VWA8: variants seen among roughly 807,000 people sequenced by gnomAD.
VWA8 encodes the protein von Willebrand factor A domain-containing protein 8.
A neutral mutation model predicts 241.5 loss-of-function variants in VWA8; 221 were observed. That is an observed-to-expected ratio of 0.91 (90% CI 0.82 to 1.02). VWA8 has a LOEUF of 1.02. VWA8 is among the 50% of genes least tolerant of loss of function. The pLI is 0.00. For synonymous variants in VWA8, 852 were observed against 827.1 expected, an observed-to-expected ratio of 1.03 and a Z score of -0.52; for missense variants, 2,322 against 2,328.7, an observed-to-expected ratio of 1.00 and a Z score of 0.06.
chr13:41,961,101 G>A lies in VWA8; in HGVS notation c.-86C>T, dbSNP rs1029452969. ...AGGCACCGTGAGGCAGCGCGGAGAA[G>A]GGGACAGGAAGCGGCACCTAGCCGA... On this transcript the variant is annotated 5_prime_UTR_variant, in exon 1 of 45. Transcript: ENST00000379310. 1.6e-6 allele frequency: 2 copies of A among 1,259,258 alleles called. No individual in the cohort carries two copies. Among genetic ancestry groups the A allele is most frequent in the African/African-American group, 1.6e-5 (1 of 63,026 alleles). 78.0% of individuals were successfully genotyped at this position (1,259,258 alleles called of 1,614,324 possible). A position where few individuals can be genotyped will look rare whatever the true frequency, so the allele number is the denominator to read the frequency against.
At chr13:41,901,935 T>A (rs950795033) in intron 4 of VWA8, among the ~76,000 whole-genome samples, 4 of 137,236 alleles carry the variant, frequency 2.9e-5, no homozygotes, top group Non-Finnish European at 4.6e-5. Context: ...TATATTTGCA[T>A]ACATATATAT....
intron 12 of VWA8, among the ~76,000 whole-genome samples, chr13:41,835,920 T>G (rs1296682054): frequency 1.3e-5 from 2 of 151,998 alleles, no homozygotes; most frequent in Non-Finnish European, 2.9e-5. Context: ...GAAAACACAG[T>G]TTAGCGCAGT....
intron 36 of VWA8, 38 bp downstream of exon 36, chr13:41,675,177 T>C (rs1207153746): frequency 2.0e-6 from 3 of 1,480,684 alleles, no homozygotes; most frequent in Non-Finnish European, 2.8e-6. Flanking sequence ...TCATTTTTTA[T>C]GACATACTAA....
At chr13:41,758,385 TATATATAC>T (rs1349033927) in intron 21 of VWA8, among the ~76,000 whole-genome samples, 1 of 15,604 alleles carries the variant, frequency 6.4e-5, no homozygotes, top group African/African-American at 1.1e-4. Context: ...TATATATATA[TATATATAC>T]GCTAGTATAT....
chr13:41,699,616 G>C lies in VWA8; in HGVS notation c.3365-346C>G, dbSNP rs77606384. On this transcript the variant is annotated intron_variant, in intron 28 of 44. Transcript: ENST00000379310. ...TAACGTGCTTAGTGCTACAGTGAAGGTCTGTTCTCTTGTTGGTTCAGATGG... is the reference window on the plus strand; with the variant it reads ...TAACGTGCTTAGTGCTACAGTGAAGCTCTGTTCTCTTGTTGGTTCAGATGG... 5.3e-3 allele frequency among the ~76,000 whole-genome samples: 810 copies of C among 152,286 alleles called. 5 individuals are homozygous for C. Among genetic ancestry groups the C allele is most frequent in the African/African-American group, 0.019 (772 of 41,554 alleles).
At chr13:41,711,701 C>G (rs543575766) in intron 26 of VWA8, among the ~76,000 whole-genome samples, 3 of 151,934 alleles carry the variant, frequency 2.0e-5, no homozygotes, top group Admixed American at 6.6e-5. Context: ...GGTGAAACCC[C>G]GTCTCTACTA....
chr13:41,751,331 C>A (rs868040173), intron 21 of VWA8, among the ~76,000 whole-genome samples: 9 of 151,970 alleles, frequency 5.9e-5, no homozygotes, highest in Non-Finnish European at 1.2e-4. Context: ...AAAATGTTTC[C>A]AAAACAGCCT....
chr13:41,629,182 G>T (rs2044711812), intron 37 of VWA8, among the ~76,000 whole-genome samples: 1 of 152,108 alleles, frequency 6.6e-6, no homozygotes, highest in Admixed American at 6.6e-5. Context: ...GCCACAAAAA[G>T]AGTAAAATAC....
intron 12 of VWA8, among the ~76,000 whole-genome samples, chr13:41,837,944 T>C (rs563085308): frequency 6.6e-6 from 1 of 152,302 alleles, no homozygotes; most frequent in South Asian, 2.1e-4. Context: ...GAAATTTAAT[T>C]CCTTTAGGTC....
In VWA8 at chr13:41,587,595, T is replaced by C. The variant is rs374449216; in HGVS notation, c.5188A>G (p.Arg1730Gly). 3.7e-6 allele frequency: 6 copies of C among 1,614,230 alleles called. No homozygotes were observed. The highest frequency in any genetic ancestry group is 4.2e-6 in the Non-Finnish European group (5 of 1,180,046). Residue 1730 changes from arginine (R) to glycine (G), a missense_variant, in exon 42 of 45, where the codon AGG becomes GGG. Coordinates refer to ENST00000379310, the MANE Select transcript of VWA8 (RefSeq NM_015058.2). ...GTGCGCTCAAGCCGGCCATCCATCC[T>C]GTTGAAACGGTACATGCTACCAGAC... is the stretch of plus-strand genomic sequence containing the variant. ...DVSGSMYRFNRMDGRLERTME... is the reference protein window; with the variant it reads ...DVSGSMYRFNGMDGRLERTME...
intron 37 of VWA8, among the ~76,000 whole-genome samples, chr13:41,621,355 T>C (rs1373736476): frequency 1.3e-5 from 2 of 152,208 alleles, no homozygotes; most frequent in African/African-American, 4.8e-5. Context: ...TTACCATATT[T>C]CTAACTTACG....
intron 34 of VWA8, among the ~76,000 whole-genome samples, chr13:41,688,083 T>G (rs1406164057): frequency 6.6e-6 from 1 of 152,112 alleles, no homozygotes; most frequent in Non-Finnish European, 1.5e-5. Flanking sequence ...AAAACACATC[T>G]CTTTCATATC....
chr13:41,859,914 G>T (rs562488976), intron 12 of VWA8, among the ~76,000 whole-genome samples: 3 of 152,136 alleles, frequency 2.0e-5, no homozygotes, highest in Non-Finnish European at 2.9e-5. Flanking sequence ...AAAACAGATG[G>T]TGTATCTACT....
intron 37 of VWA8, among the ~76,000 whole-genome samples, chr13:41,666,630 C>G (rs1461189914): frequency 2.0e-5 from 3 of 152,090 alleles, no homozygotes; most frequent in Non-Finnish European, 4.4e-5. Flanking sequence ...GCAAACTTAA[C>G]AACCCCCCAG....
At chr13:41,771,135 T>C (rs906022659) in intron 20 of VWA8, among the ~76,000 whole-genome samples, 1 of 152,204 alleles carries the variant, frequency 6.6e-6, no homozygotes, top group African/African-American at 2.4e-5. Context: ...ATTCCTTTCT[T>C]TTTTTGAGAT....
chr13:41,872,300 CTTTAG>C (rs1426321073), intron 9 of VWA8, among the ~76,000 whole-genome samples: 4 of 152,174 alleles, frequency 2.6e-5, no homozygotes, highest in Non-Finnish European at 5.9e-5. Context: ...TGCAGAAGCT[CTTTAG>C]TTTAATTAGA....
rs190685397 is a variant in VWA8, at chr13:41,689,395, T to C, written c.4090A>G (p.Lys1364Glu). 6.2e-7 allele frequency: 1 copy of C among 1,612,000 alleles called. No homozygotes were observed. The highest frequency in any genetic ancestry group is 1.3e-5 in the African/African-American group (1 of 74,956). The stretch of plus-strand genomic sequence containing the variant: ...CCAACAACTATTGTAGCATAATTTT[T>C]CTCATCTGAGAGAATTCTGTTGGGA... Reference protein sequence around the residue: ...ASPNRILSDEKNYATIVVGFP... With the variant: ...ASPNRILSDEENYATIVVGFP... The change falls in exon 34 of 45, where the codon AAA becomes GAA. Residue 1364 changes from lysine (K) to glutamate (E), a missense_variant. Lys to Glu is a moderately conservative substitution (Grantham distance 56). Transcript: ENST00000379310.
intron 14 of VWA8, among the ~76,000 whole-genome samples, chr13:41,829,573 A>ACACG (rs1414338662): frequency 1.3e-5 from 2 of 151,466 alleles, no homozygotes; most frequent in Non-Finnish European, 3.0e-5. Context: ...ACACATGCAC[A>ACACG]CACACACACA....
intron 21 of VWA8, among the ~76,000 whole-genome samples, chr13:41,734,901 T>C (rs1033931445): frequency 1.1e-4 from 17 of 152,260 alleles, no homozygotes; most frequent in African/African-American, 4.1e-4. Flanking sequence ...TTGGTGATTA[T>C]AAACTTTTAG....
Sources: allele counts gnomAD v4.1 joint callset (sites outside exome capture counted in the v4.1 genomes callset), GRCh38; gene constraint gnomAD v4.1.1; transcripts MANE v1.5; gene names NCBI Gene and HGNC (gene_info 2026-07-23, HGNC 2026-07-21).